The following ITPRID1 variants were observed in gnomAD, a reference collection of about 807,000 sequenced individuals.
ITPRID1 encodes the protein ITPR interacting domain containing 1, also known as protein ITPRID1.
A neutral mutation model predicts 95.4 loss-of-function variants in ITPRID1; 96 were observed. The observed-to-expected ratio is 1.01, with a 90% CI of 0.85 to 1.19. ITPRID1 has a LOEUF of 1.19. Ranked by LOEUF, ITPRID1 falls within the 50% of genes most tolerant of loss-of-function variation. The pLI is 0.00. For synonymous variants in ITPRID1, 510 were observed against 453.6 expected (o/e 1.12, Z -1.58); for missense variants, 1,339 against 1,252.9 (o/e 1.07, Z -1.04).
At chr7:31,516,466 T>C (rs1783043533) in intron 1 of ITPRID1, among the ~76,000 whole-genome samples, 1 of 152,212 alleles carries the variant, frequency 6.6e-6, no homozygotes, top group Non-Finnish European at 1.5e-5. Context: ...ACACCCTTGA[T>C]ATCCCGCAAA....
At position 31,624,883 on chromosome 7, in the gene ITPRID1, G is replaced by GTT. The variant is rs1788297548; in HGVS notation, c.1229-17293_1229-17292insTT. ...TTCGCAACCTATTCATCTGACAAAG[G>GTT]GCTAATATCCAGAATCTACAATGAA... On this transcript the variant is annotated intron_variant, in intron 10 of 14. Transcript: ENST00000615280. 2.0e-5 allele frequency among the ~76,000 whole-genome samples: 3 copies of GTT among 152,030 alleles called. No homozygotes were observed. In the East Asian group the frequency reaches 5.8e-4, roughly 29 times the overall value.
Position 31,615,542 on chromosome 7 carries a change from T to C in ITPRID1, c.1229-26634T>C, listed in dbSNP as rs115696271. Among the ~76,000 whole-genome samples, 1,183 of 152,264 alleles carry C rather than the reference T, an allele frequency of 7.8e-3. 13 individuals carry two copies. Among genetic ancestry groups the C allele is most frequent in the African/African-American group, 0.027 (1,133 of 41,538 alleles). ...GTGGACAAAGATGTGAAGATGTGAG[T>C]GATTATCAATGTATAGTCCTTGGTA... On this transcript the variant is annotated intron_variant, in intron 10 of 14. Coordinates refer to ENST00000615280, the MANE Select transcript of ITPRID1 (RefSeq NM_001257967.3).
intron 5 of ITPRID1, among the ~76,000 whole-genome samples, chr7:31,558,159 C>T (rs1460314194): frequency 6.6e-6 from 1 of 152,114 alleles, no homozygotes; most frequent in Admixed American, 6.5e-5. Context: ...TATCCTCTGC[C>T]TTCCACCATG....
intron 10 of ITPRID1, among the ~76,000 whole-genome samples, chr7:31,588,399 G>A (rs993578664): frequency 6.6e-6 from 1 of 152,020 alleles, no homozygotes; most frequent in African/African-American, 2.4e-5. Flanking sequence ...GGGAGGCTGA[G>A]GTGAGTGGGT....
rs553169180 is a variant in ITPRID1 at position 31,592,271 on chromosome 7, C to G, written c.1228+9080C>G. ...CTTGCCTGGATTCCAATCCCACAAT[C>G]TAGCAACTGCCAACTATGTAACTTT... On this transcript the variant is annotated intron_variant, in intron 10 of 14. Transcript: ENST00000615280. Among the ~76,000 whole-genome samples, 17 of 152,336 alleles carry G rather than the reference C, an allele frequency of 1.1e-4. No individual in the cohort carries two copies. The East Asian group carries it at 1.7e-3, about 16-fold the overall frequency.
rs1371102537 is a variant in ITPRID1, at chr7:31,652,550, A to G, written c.2856A>G (p.Glu952=). ...AGGTTCTCACAGCAGAGCCACCTGA[A>G]CACTATTCAAATCTGCATCAATATA... is the stretch of plus-strand genomic sequence containing the variant. The part of the protein sequence containing the change: ...QLEVLTAEPP[E]HYSNLHQYNW... The change falls in exon 15 of 15, where the codon GAA becomes GAG. Residue 952 remains glutamate (E), a synonymous_variant. Coordinates refer to ENST00000615280, the MANE Select transcript of ITPRID1 (RefSeq NM_001257967.3). The G allele has an allele frequency of 3.7e-6, 6 of 1,607,892 alleles. No homozygotes were observed. Among genetic ancestry groups the G allele is most frequent in the Non-Finnish European group, 5.1e-6 (6 of 1,176,860 alleles).
At chr7:31,628,030 A>G (rs963938434) in intron 10 of ITPRID1, among the ~76,000 whole-genome samples, 1 of 152,210 alleles carries the variant, frequency 6.6e-6, no homozygotes, top group Non-Finnish European at 1.5e-5. Context: ...ATAAGAGCAG[A>G]AAGTCTTTGT....
At position 31,577,984 on chromosome 7, in the gene ITPRID1, A is replaced by G; in HGVS notation, c.720A>G (p.Arg240=). ...EEKAGGESVQ[R]TSVSAAKEHR... Reference sequence around the variant, plus strand: ...AAGCTGGAGGAGAGAGTGTGCAAAGAACCTCAGTGAGTGCCGCCAAAGAGC... The same window carrying G: ...AAGCTGGAGGAGAGAGTGTGCAAAGGACCTCAGTGAGTGCCGCCAAAGAGC... The change falls in exon 9 of 15, where the codon AGA becomes AGG. Residue 240 remains arginine, a synonymous_variant. Transcript: ENST00000615280. 1 of 1,613,824 alleles carries G rather than the reference A, an allele frequency of 6.2e-7. No homozygotes were observed. The highest frequency in any genetic ancestry group is 2.2e-5 in the East Asian group (1 of 44,822).
Position 31,643,415 on chromosome 7 carries a change from G to A in ITPRID1, c.2045G>A (p.Gly682Asp). 1.2e-6 allele frequency: 2 copies of A among 1,613,944 alleles called. No homozygotes were observed. The highest frequency in any genetic ancestry group is 1.7e-6 in the Non-Finnish European group (2 of 1,179,882). The change falls in exon 12 of 15, where the codon GGT (glycine) becomes GAT (aspartate). Residue 682 changes from glycine (G) to aspartate (D), a missense_variant. Physicochemically the swap from Gly to Asp is moderately conservative, Grantham distance 94. Transcript: ENST00000615280. The stretch of plus-strand genomic sequence containing the variant: ...CCTGCCCAGGTGAAGTCAAGGTCTG[G>A]TACTTTGGGTCAGATACTACCTGGG... ...GDPAQVKSRS[G>D]TLGQILPGTE...
In ITPRID1 at chr7:31,553,135, G is replaced by A; in HGVS notation, c.111G>A (p.Trp37Ter). ...GCGCGTGGGCTCCGCTGGATGAGTG[G>A]CTGCCCCCTGACCCTGAGGAGGAAA... ...TKSAWAPLDE[W>*]LPPDPEEESQ... Residue 37 changes from tryptophan to a stop codon, truncating the protein, a stop_gained, in exon 3 of 15, where the codon TGG (tryptophan) becomes TGA (stop). Transcript: ENST00000615280. LOFTEE classifies it high-confidence loss of function. 2 of 1,594,192 alleles carry A rather than the reference G, an allele frequency of 1.3e-6. No individual in the cohort carries two copies. The highest frequency in any genetic ancestry group is 1.7e-6 in the Non-Finnish European group (2 of 1,169,460).
chr7:31,623,288 A>T (rs1788099950), intron 10 of ITPRID1, among the ~76,000 whole-genome samples: 1 of 152,168 alleles, frequency 6.6e-6, no homozygotes, highest in African/African-American at 2.4e-5. Flanking sequence ...AAAGCCGGGC[A>T]GAGACACAAC....
rs6967721 is a variant in ITPRID1, at chr7:31,621,682, C to A, written c.1229-20494C>A. ...AAAATGTAAAGACCATCGAGACTAG[C>A]AATAAACTGCATCAACTAACGAGCA... On this transcript the variant is annotated intron_variant, in intron 10 of 14. Coordinates refer to ENST00000615280, the MANE Select transcript of ITPRID1 (RefSeq NM_001257967.3). Among the ~76,000 whole-genome samples, 186 of 133,094 alleles carry A rather than the reference C, an allele frequency of 1.4e-3. 1 individual carries two copies. The highest frequency in any genetic ancestry group is 2.2e-3 in the Non-Finnish European group (131 of 59,138). 87.3% of individuals were successfully genotyped at this position (133,094 alleles called of 152,430 possible).
intron 1 of ITPRID1, among the ~76,000 whole-genome samples, chr7:31,543,735 A>G (rs752942224): frequency 1.3e-5 from 2 of 151,930 alleles, no homozygotes; most frequent in African/African-American, 2.4e-5. Context: ...TTCTCTTGAC[A>G]CTATATTTTA....
intron 1 of ITPRID1, among the ~76,000 whole-genome samples, chr7:31,544,102 T>C (rs1395876671): frequency 6.6e-6 from 1 of 152,114 alleles, no homozygotes. Flanking sequence ...TGTTCTATTT[T>C]ATTTTCAGCA....
chr7:31,624,720 T>A (rs1379396283), intron 10 of ITPRID1, among the ~76,000 whole-genome samples: 6 of 151,066 alleles, frequency 4.0e-5, no homozygotes. Context: ...GGGCAAGGAC[T>A]TCATGTCTAA....
rs754894678 is a variant in ITPRID1 at position 31,578,087 on chromosome 7, G to A, written c.823G>A (p.Glu275Lys). Residue 275 changes from glutamate (E) to lysine (K), a missense_variant, in exon 9 of 15, where the codon GAG becomes AAG. Transcript: ENST00000615280. The part of the protein sequence containing the change: ...IRRDCNPEVS[E>K]SFKVKDEVFV... ...GCGGGATTGTAACCCAGAGGTATCA[G>A]AGTCCTTCAAGGTGAAGGATGAAGT... The A allele has an allele frequency of 5.0e-6, 8 of 1,613,636 alleles. No homozygotes were observed. In the African/African-American group the frequency reaches 8.0e-5, roughly 16 times the overall value.
At chr7:31,642,322 C>A in intron 11 of ITPRID1, 64 bp downstream of exon 11, 1 of 1,101,536 alleles carries the variant, frequency 9.1e-7, no homozygotes, top group South Asian at 1.5e-5. Flanking sequence ...CCCTATCAAC[C>A]AGGCTGCCAC....
chr7:31,525,507 G>A (rs1783395842), intron 1 of ITPRID1, among the ~76,000 whole-genome samples: 3 of 152,154 alleles, frequency 2.0e-5, no homozygotes, highest in Admixed American at 2.0e-4. Flanking sequence ...GGCACAATGT[G>A]GTAAATGTTC....
chr7:31,658,179 T>TG, downstream of ITPRID1: 1 of 1,145,646 alleles, frequency 8.7e-7, no homozygotes, highest in Middle Eastern at 2.0e-4. Flanking sequence ...TGTAGATTTG[T>TG]GTAAGGATAT....
Sources: allele counts gnomAD v4.1 joint callset (sites outside exome capture counted in the v4.1 genomes callset), GRCh38; gene constraint gnomAD v4.1.1; transcripts MANE v1.5; gene names NCBI Gene and HGNC (gene_info 2026-07-23, HGNC 2026-07-21).